The following FAM13A variants were observed in gnomAD, a reference collection of about 807,000 sequenced individuals.
FAM13A encodes protein FAM13A.
A neutral mutation model predicts 129.6 loss-of-function variants in FAM13A; 76 were observed. That is an observed-to-expected ratio of 0.59 (90% CI 0.49 to 0.71). FAM13A has a LOEUF of 0.71. FAM13A is among the 30% of genes least tolerant of loss of function. The probability of loss-of-function intolerance (pLI) is 0.00; values close to 1 mark genes in which losing one functional copy is unlikely to be tolerated. For synonymous variants in FAM13A, 443 were observed against 449.9 expected (o/e 0.98, Z 0.20); for missense variants, 1,108 against 1,249.3 (o/e 0.89, Z 1.70).
chr4:88,747,600 T>TA, intron 18 of FAM13A, 31 bp downstream of exon 18: 1 of 1,578,410 alleles, frequency 6.3e-7, no homozygotes, highest in South Asian at 1.1e-5. Context: ...TGCAATGGCT[T>TA]AGGGCTTAGC....
At chr4:89,000,236 G>A (rs1764074056) in intron 3 of FAM13A, among the ~76,000 whole-genome samples, 1 of 152,062 alleles carries the variant, frequency 6.6e-6, no homozygotes, top group Non-Finnish European at 1.5e-5. Context: ...ACAAAAACTT[G>A]TACATAAATG....
intron 6 of FAM13A, among the ~76,000 whole-genome samples, chr4:88,867,908 G>A (rs183155753): frequency 5.3e-5 from 8 of 152,174 alleles, no homozygotes; most frequent in Non-Finnish European, 7.4e-5. Context: ...AGGGCAACAC[G>A]CAATGGAAAT....
chr4:88,820,328 A>G (rs1219894883), intron 7 of FAM13A, among the ~76,000 whole-genome samples: 2 of 152,166 alleles, frequency 1.3e-5, no homozygotes, highest in Non-Finnish European at 2.9e-5. Flanking sequence ...AATTCACCAC[A>G]TGGTACTGTA....
chr4:89,031,576 C>T (rs1474355281), intron 1 of FAM13A, among the ~76,000 whole-genome samples: 1 of 152,184 alleles, frequency 6.6e-6, no homozygotes, highest in Admixed American at 6.5e-5. Context: ...GCCTGGCATA[C>T]TCATTGAGTA....
intron 14 of FAM13A, among the ~76,000 whole-genome samples, chr4:88,757,311 C>G (rs1560908123): frequency 6.6e-6 from 1 of 152,110 alleles, no homozygotes; most frequent in Non-Finnish European, 1.5e-5. Flanking sequence ...TGAATTCTAA[C>G]CAAAAATCCT....
At chr4:88,920,397 A>C (rs1750858174) in intron 5 of FAM13A, among the ~76,000 whole-genome samples, 1 of 152,152 alleles carries the variant, frequency 6.6e-6, no homozygotes, top group Non-Finnish European at 1.5e-5. Context: ...GTTCACGAAA[A>C]TCCGCTGTTC....
chr4:88,909,192 C>T (rs1396406224), intron 5 of FAM13A, among the ~76,000 whole-genome samples: 1 of 151,978 alleles, frequency 6.6e-6, no homozygotes, highest in African/African-American at 2.4e-5. Flanking sequence ...GGTGACAATC[C>T]AAATGCCCAT....
chr4:88,748,468 C>G (rs1307261229), intron 17 of FAM13A, among the ~76,000 whole-genome samples: 1 of 152,192 alleles, frequency 6.6e-6, no homozygotes, highest in Non-Finnish European at 1.5e-5. Context: ...ATCTAATGCC[C>G]AGCCACTGGC....
At chr4:88,904,632 T>C (rs1747843612) in intron 6 of FAM13A, among the ~76,000 whole-genome samples, 1 of 151,616 alleles carries the variant, frequency 6.6e-6, no homozygotes. Flanking sequence ...TGGCTTAGGG[T>C]GAGGGAATAA....
At chr4:88,798,057 A>T (rs1223408438) in intron 8 of FAM13A, among the ~76,000 whole-genome samples, 1 of 152,186 alleles carries the variant, frequency 6.6e-6, no homozygotes, top group Admixed American at 6.5e-5. Context: ...GGGAAGGTAG[A>T]TTGTTCTTAG....
At chr4:88,745,399 A>G (rs922635637) in intron 19 of FAM13A, among the ~76,000 whole-genome samples, 2 of 152,162 alleles carry the variant, frequency 1.3e-5, no homozygotes, top group Non-Finnish European at 2.9e-5. Context: ...CAAATACTAC[A>G]ACACACAAAA....
chr4:88,807,167 A>G (rs1728721711), intron 7 of FAM13A, among the ~76,000 whole-genome samples: 1 of 152,182 alleles, frequency 6.6e-6, no homozygotes, highest in Admixed American at 6.5e-5. Flanking sequence ...TGTGCATTCA[A>G]TTAGCAATAT....
chr4:89,041,336 CAT>C (rs1770090708), intron 1 of FAM13A, among the ~76,000 whole-genome samples: 1 of 152,106 alleles, frequency 6.6e-6, no homozygotes, highest in Non-Finnish European at 1.5e-5. Context: ...TAAAATATCA[CAT>C]GTACCTCATA....
At chr4:88,893,551 A>G (rs893843468) in intron 6 of FAM13A, among the ~76,000 whole-genome samples, 3 of 151,776 alleles carry the variant, frequency 2.0e-5, no homozygotes, top group African/African-American at 7.3e-5. Context: ...TGAACCCAGG[A>G]GGCGGAGCTT....
chr4:88,964,153 G>A (rs995221212), intron 4 of FAM13A, among the ~76,000 whole-genome samples: 9 of 152,132 alleles, frequency 5.9e-5, no homozygotes, highest in African/African-American at 9.7e-5. Context: ...TCTTTCATAC[G>A]GCTGAGAATA....
intron 8 of FAM13A, among the ~76,000 whole-genome samples, chr4:88,791,118 A>G (rs1219987488): frequency 1.3e-5 from 2 of 152,154 alleles, no homozygotes; most frequent in Non-Finnish European, 2.9e-5. Context: ...GGGATAGAGA[A>G]CAAGGAACCG....
intron 6 of FAM13A, among the ~76,000 whole-genome samples, chr4:88,873,378 AT>A (rs1156328406): frequency 6.6e-6 from 1 of 152,216 alleles, no homozygotes; most frequent in African/African-American, 2.4e-5. Context: ...GATCAACAAA[AT>A]TGATAGACTG....
At chr4:88,892,173 CTTTTTTTTTT>C (rs1183640454) in intron 6 of FAM13A, among the ~76,000 whole-genome samples, 5 of 67,938 alleles carry the variant, frequency 7.4e-5, no homozygotes, top group South Asian at 1.5e-3. Flanking sequence ...AAGATCCTGT[CTTTTTTTTTT>C]TTTTTTTTTT....
At chr4:88,901,323 C>G (rs1747266353) in intron 6 of FAM13A, among the ~76,000 whole-genome samples, 1 of 151,972 alleles carries the variant, frequency 6.6e-6, no homozygotes, top group South Asian at 2.1e-4. Context: ...TCTCCACCCA[C>G]AAACAACTGA....
Sources: allele counts gnomAD v4.1 joint callset (sites outside exome capture counted in the v4.1 genomes callset), GRCh38; gene constraint gnomAD v4.1.1; transcripts MANE v1.5; gene names NCBI Gene and HGNC (gene_info 2026-07-23, HGNC 2026-07-21).